The following EML6 variants were observed in gnomAD, a reference collection of about 807,000 sequenced individuals.
EML6 encodes EMAP like 6, also known as echinoderm microtubule-associated protein-like 6.
A neutral mutation model predicts 240.1 loss-of-function variants in EML6; 154 were observed. The ratio of observed to expected loss-of-function variants is 0.64; its 90% CI spans 0.56 to 0.73. The LOEUF is 0.73. Ranked by LOEUF, EML6 falls within the 30% of genes least tolerant of loss-of-function variation. The probability of loss-of-function intolerance (pLI) is 0.00; values close to 1 mark genes in which losing one functional copy is unlikely to be tolerated. For missense variants in EML6, 2,964 were observed against 2,474.6 expected (o/e 1.20, Z -4.20); for synonymous variants, 1,148 against 899.0 (o/e 1.28, Z -4.95).
rs538382811 is a variant in EML6, at chr2:54,819,518, C to T, written c.457-876C>T. On this transcript the variant is annotated intron_variant, in intron 4 of 41. Coordinates refer to ENST00000356458, the MANE Select transcript of EML6 (RefSeq NM_001039753.4). ...ATAGGCCGGGCACGGTGGCTCATGC[C>T]TGTAATCCCAGCACTTTGAGAGGCC... is the stretch of plus-strand genomic sequence containing the variant. Among the ~76,000 whole-genome samples the T allele has an allele frequency of 5.4e-3, 825 of 152,276 alleles. 8 individuals carry two copies. The highest frequency in any genetic ancestry group is 0.019 in the African/African-American group (769 of 41,542).
intron 25 of EML6, among the ~76,000 whole-genome samples, chr2:54,913,197 C>T (rs1420320165): frequency 2.0e-5 from 3 of 149,880 alleles, no homozygotes; most frequent in South Asian, 2.1e-4. Flanking sequence ...TTGTTGGCTG[C>T]TTGTATGTCT....
At chr2:54,802,659 A>ACTACTACTG (rs973203002) in intron 2 of EML6, among the ~76,000 whole-genome samples, 1 of 146,740 alleles carries the variant, frequency 6.8e-6, no homozygotes, top group Non-Finnish European at 1.5e-5. Flanking sequence ...TACTACTACT[A>ACTACTACTG]CTACTACTGC....
At chr2:54,934,845 C>T (rs1013225260) in intron 28 of EML6, among the ~76,000 whole-genome samples, 1 of 152,084 alleles carries the variant, frequency 6.6e-6, no homozygotes, top group Admixed American at 6.6e-5. Flanking sequence ...GCCACCATGC[C>T]CAGCTCAAAA....
At chr2:54,818,855 C>T (rs1668196622) in intron 4 of EML6, among the ~76,000 whole-genome samples, 2 of 152,306 alleles carry the variant, frequency 1.3e-5, no homozygotes, top group African/African-American at 4.8e-5. Flanking sequence ...CTCTTTATTA[C>T]TGATACCAGT....
At chr2:54,882,703 A>G (rs1315076119) in intron 17 of EML6, 1 of 151,530 alleles carries the variant, frequency 6.6e-6, no homozygotes, top group African/African-American at 2.4e-5. Flanking sequence ...CTAAAAATAC[A>G]AAAAATTAGC....
chr2:54,934,151 G>T (rs970247994), intron 28 of EML6, among the ~76,000 whole-genome samples: 2 of 152,138 alleles, frequency 1.3e-5, no homozygotes, highest in Non-Finnish European at 2.9e-5. Flanking sequence ...CCAGCAGTCA[G>T]GATATAAAGG....
At chr2:54,887,374 C>CT (rs1202101902) in intron 17 of EML6, among the ~76,000 whole-genome samples, 1 of 152,198 alleles carries the variant, frequency 6.6e-6, no homozygotes, top group African/African-American at 2.4e-5. Flanking sequence ...TTTGGTTTCT[C>CT]TGAAATATAA....
chr2:54,759,608 G>A (rs1035617132), intron 2 of EML6, among the ~76,000 whole-genome samples: 1 of 151,862 alleles, frequency 6.6e-6, no homozygotes, highest in East Asian at 1.9e-4. Context: ...CAAATCTGGG[G>A]GAGAGAGAAA....
At chr2:54,816,356 A>G (rs751568601) in intron 3 of EML6, among the ~76,000 whole-genome samples, 13 of 151,950 alleles carry the variant, frequency 8.6e-5, no homozygotes, top group Non-Finnish European at 1.8e-4. Context: ...ATGTTCATTT[A>G]TTCTATTCGT....
At chr2:54,909,243 A>G (rs1673510139) in intron 24 of EML6, among the ~76,000 whole-genome samples, 1 of 152,232 alleles carries the variant, frequency 6.6e-6, no homozygotes, top group South Asian at 2.1e-4. Flanking sequence ...TGTCCTAAAA[A>G]TAGAATTACT....
rs1173480022 is a variant in EML6 at position 54,964,619 on chromosome 2, A to T, written c.5379A>T (p.Thr1793=). 6.4e-7 allele frequency: 1 copy of T among 1,552,420 alleles called. No homozygotes were observed. Reference sequence around the variant, plus strand: ...TAGCCGTTGGTTCTTCTGAACACACAGTTGACTTCTATGACCTCACTCAGG... The same window carrying T: ...TAGCCGTTGGTTCTTCTGAACACACTGTTGACTTCTATGACCTCACTCAGG... The part of the protein sequence containing the change: ...RFLAVGSSEH[T]VDFYDLTQGT... Residue 1793 remains threonine (T), a synonymous_variant, in exon 38 of 42, where the codon ACA becomes ACT. Coordinates refer to ENST00000356458, the MANE Select transcript of EML6 (RefSeq NM_001039753.4).
At chr2:54,936,061 C>G (rs1192734118) in intron 28 of EML6, among the ~76,000 whole-genome samples, 3 of 152,156 alleles carry the variant, frequency 2.0e-5, no homozygotes, top group African/African-American at 7.2e-5. Context: ...GTTTAAACAT[C>G]TTGGGCTCAT....
chr2:54,967,402 C>G (rs1676796192), intron 39 of EML6, among the ~76,000 whole-genome samples: 1 of 152,194 alleles, frequency 6.6e-6, no homozygotes, highest in Admixed American at 6.5e-5. Flanking sequence ...AATCCTAGTG[C>G]ACAGTGAGGC....
At chr2:54,881,865 T>C (rs1671830656) in intron 17 of EML6, 1 of 152,318 alleles carries the variant, frequency 6.6e-6, no homozygotes, top group Non-Finnish European at 1.5e-5. Flanking sequence ...ATTAACCTGC[T>C]TCTGGCTGGC....
Position 54,820,396 on chromosome 2 carries a change from T to G in EML6, c.459T>G (p.Ile153Met). 1.3e-6 allele frequency: 2 copies of G among 1,548,216 alleles called. No homozygotes were observed. The highest frequency in any genetic ancestry group is 1.7e-6 in the Non-Finnish European group (2 of 1,144,356). Residue 153 changes from isoleucine to methionine, a missense_variant and splice_region_variant, in exon 5 of 42, where the codon ATT becomes ATG. Physicochemically the swap from Ile to Met is conservative, Grantham distance 10. Transcript: ENST00000356458. ...LASATGHSDR[I>M]FDISWDPYQP... ...GCAACTTTTAATGTTTTGAACAGATTTTTGATATTTCCTGGGATCCATATC... is the reference window on the plus strand; with the variant it reads ...GCAACTTTTAATGTTTTGAACAGATGTTTGATATTTCCTGGGATCCATATC...
chr2:54,736,199 A>G (rs1156706208), intron 2 of EML6, among the ~76,000 whole-genome samples: 1 of 152,248 alleles, frequency 6.6e-6, no homozygotes, highest in Non-Finnish European at 1.5e-5. Context: ...TATGGAGACC[A>G]GTGAGTTCAT....
intron 4 of EML6, 100 bp downstream of exon 4, chr2:54,816,985 G>A (rs1012522810): frequency 3.0e-5 from 22 of 727,068 alleles, no homozygotes; most frequent in Non-Finnish European, 4.8e-5. Context: ...AAATATTTCA[G>A]TATACATTTT....
rs544271002 is a variant in EML6, at chr2:54,786,574, C to T, written c.198-26658C>T. ...TCCTGTACCCTTTCAGGGGACATAG[C>T]GGTATAGGGAGGTGGACAGTTTACA... On this transcript the variant is annotated intron_variant, in intron 2 of 41. Coordinates refer to ENST00000356458, the MANE Select transcript of EML6 (RefSeq NM_001039753.4). 2.6e-5 allele frequency among the ~76,000 whole-genome samples: 4 copies of T among 152,252 alleles called. No individual in the cohort carries two copies. In the South Asian group the frequency reaches 6.2e-4, roughly 24 times the overall value.
chr2:54,920,424 T>A (rs1354100880), intron 26 of EML6, among the ~76,000 whole-genome samples: 2 of 152,030 alleles, frequency 1.3e-5, no homozygotes, highest in Non-Finnish European at 2.9e-5. Context: ...AAATGAAACA[T>A]ATCTGGAAAT....
Sources: allele counts gnomAD v4.1 joint callset (sites outside exome capture counted in the v4.1 genomes callset), GRCh38; gene constraint gnomAD v4.1.1; transcripts MANE v1.5; gene names NCBI Gene and HGNC (gene_info 2026-07-23, HGNC 2026-07-21).